The following RAD51B variants were observed in gnomAD, a reference collection of about 807,000 sequenced individuals.
RAD51B encodes the protein DNA repair protein RAD51 homolog 2.
A neutral mutation model predicts 42.2 loss-of-function variants in RAD51B; 38 were observed. That is an observed-to-expected ratio of 0.90 (90% CI 0.70 to 1.18). The LOEUF (loss-of-function observed/expected upper bound fraction) is 1.18, where lower values mean the gene tolerates loss of function less well. Ranked by LOEUF, RAD51B falls within the 50% of genes most tolerant of loss-of-function variation. The pLI is 0.00. For missense variants in RAD51B, 373 were observed against 400.7 expected (o/e 0.93, Z 0.59); for synonymous variants, 154 against 145.2 (o/e 1.06, Z -0.43).
At chr14:68,469,066 A>T (rs1453148593) in intron 10 of RAD51B, 6 of 502,782 alleles carry the variant, frequency 1.2e-5, no homozygotes, top group Non-Finnish European at 2.4e-5. Context: ...AGAAGTGCTC[A>T]GGATATACAT....
At chr14:68,302,650 T>C (rs1250390830) in intron 8 of RAD51B, among the ~76,000 whole-genome samples, 1 of 152,218 alleles carries the variant, frequency 6.6e-6, no homozygotes. Context: ...CAGAGATTTA[T>C]CCACATATTT....
At chr14:67,964,577 A>G (rs2074731494) in intron 7 of RAD51B, among the ~76,000 whole-genome samples, 1 of 152,106 alleles carries the variant, frequency 6.6e-6, no homozygotes, top group Non-Finnish European at 1.5e-5. Flanking sequence ...CTTTTTCTGT[A>G]TCTCCTCCTA....
chr14:68,312,257 G>T (rs940456658), intron 8 of RAD51B, among the ~76,000 whole-genome samples: 1 of 152,208 alleles, frequency 6.6e-6, no homozygotes, highest in Admixed American at 6.5e-5. Context: ...GAGCAAAATC[G>T]CAGTTCCCTA....
chr14:68,647,869 G>A (rs936732164), intron 10 of RAD51B, among the ~76,000 whole-genome samples: 15 of 151,554 alleles, frequency 9.9e-5, no homozygotes, highest in Non-Finnish European at 1.9e-4. Context: ...GTAGAGATGG[G>A]GTTTCTCCAT....
At chr14:68,084,756 C>A (rs1019454098) in intron 7 of RAD51B, among the ~76,000 whole-genome samples, 4 of 152,184 alleles carry the variant, frequency 2.6e-5, no homozygotes, top group African/African-American at 9.7e-5. Flanking sequence ...TTGATTCATT[C>A]ATTCAACAAA....
chr14:68,025,476 CTTTTTTT>C (rs765471138), intron 7 of RAD51B, among the ~76,000 whole-genome samples: 10 of 40,972 alleles, frequency 2.4e-4, no homozygotes, highest in African/African-American at 3.8e-4. Context: ...CTGGTCTAGG[CTTTTTTT>C]TTTTTTTTTT....
intron 8 of RAD51B, among the ~76,000 whole-genome samples, chr14:68,389,887 T>TTTCTCAATGAATC (rs1257877306): frequency 6.6e-6 from 1 of 152,238 alleles, no homozygotes; most frequent in African/African-American, 2.4e-5. Flanking sequence ...GGGCCTCTTG[T>TTTCTCAATGAATC]TTCTCAATGA....
intron 11 of RAD51B, among the ~76,000 whole-genome samples, chr14:68,677,782 T>C (rs17106140): frequency 0.014 from 2,176 of 152,296 alleles, 44 homozygotes; most frequent in African/African-American, 0.05. Flanking sequence ...TCAGTCCCCA[T>C]GCTACAGCCA....
chr14:68,484,828 T>G (rs1267969338), intron 10 of RAD51B, among the ~76,000 whole-genome samples: 2 of 152,190 alleles, frequency 1.3e-5, no homozygotes, highest in Non-Finnish European at 2.9e-5. Context: ...TGCCCAGGGC[T>G]ACTCTCACTC....
At chr14:68,120,976 G>A (rs959528128) in intron 7 of RAD51B, among the ~76,000 whole-genome samples, 1 of 152,092 alleles carries the variant, frequency 6.6e-6, no homozygotes, top group Middle Eastern at 3.2e-3. Context: ...CTAGTCTTCT[G>A]TCATATTGCT....
intron 7 of RAD51B, among the ~76,000 whole-genome samples, chr14:67,948,610 T>G (rs562499242): frequency 6.6e-6 from 1 of 152,100 alleles, no homozygotes; most frequent in Non-Finnish European, 1.5e-5. Context: ...TTGTAGTCTA[T>G]TAAGTGTGCA....
chr14:68,532,180 T>G (rs1887352372), intron 10 of RAD51B, among the ~76,000 whole-genome samples: 1 of 152,164 alleles, frequency 6.6e-6, no homozygotes, highest in African/African-American at 2.4e-5. Flanking sequence ...AAGATGTGTT[T>G]AAATCTAGAA....
At chr14:68,620,156 A>T (rs1222056150) in intron 10 of RAD51B, among the ~76,000 whole-genome samples, 1 of 152,148 alleles carries the variant, frequency 6.6e-6, no homozygotes, top group Non-Finnish European at 1.5e-5. Context: ...ATGATATTGC[A>T]TCTTTCTTTT....
At chr14:68,613,740 C>T (rs1213644758), downstream of RAD51B, among the ~76,000 whole-genome samples, 7 of 152,230 alleles carry the variant, frequency 4.6e-5, no homozygotes, top group South Asian at 2.1e-4. Context: ...AGGCGTGAGC[C>T]ACCCTGCCTG....
At chr14:68,606,486 C>T (rs922159170) in intron 10 of RAD51B, among the ~76,000 whole-genome samples, 7 of 152,162 alleles carry the variant, frequency 4.6e-5, no homozygotes, top group African/African-American at 1.7e-4. Flanking sequence ...TGTTTTACAA[C>T]CTAAAAAAAG....
At chr14:68,247,723 A>G (rs185294786) in intron 7 of RAD51B, among the ~76,000 whole-genome samples, 244 of 152,304 alleles carry the variant, frequency 1.6e-3, no homozygotes, top group African/African-American at 5.7e-3. Flanking sequence ...GGGATTTTTT[A>G]TATGTTGCAT....
intron 7 of RAD51B, among the ~76,000 whole-genome samples, chr14:68,217,185 C>T (rs1159751974): frequency 6.6e-6 from 1 of 152,154 alleles, no homozygotes; most frequent in Non-Finnish European, 1.5e-5. Context: ...TTATCTTCCC[C>T]AGTCTCCTAT....
At chr14:68,672,547 G>T (rs1239372433) in intron 11 of RAD51B, among the ~76,000 whole-genome samples, 3 of 152,112 alleles carry the variant, frequency 2.0e-5, no homozygotes, top group Non-Finnish European at 4.4e-5. Flanking sequence ...TTTCTCTCAG[G>T]TCCATTTTTA....
rs553155565 is a variant in RAD51B, at chr14:68,674,278, G to A, written c.*11+23422G>A. On this transcript the variant is annotated intron_variant, in intron 11 of 11. Transcript: ENST00000488612. ...TATACACATATATGCACACATTTAC[G>A]TATATACTTACATATACACACGTGT... 1.4e-4 allele frequency among the ~76,000 whole-genome samples: 21 copies of A among 151,954 alleles called. No individual in the cohort carries two copies. In the East Asian group the frequency reaches 1.7e-3, roughly 13 times the overall value.
Sources: gnomAD v4.1 joint callset for allele counts (sites outside exome capture counted in the v4.1 genomes callset) on GRCh38, gnomAD v4.1.1 for gene constraint, MANE v1.5 for transcripts, NCBI Gene and HGNC (gene_info 2026-07-23, HGNC 2026-07-21) for gene names.